The following INPP4B variants were observed in gnomAD, a reference collection of about 807,000 sequenced individuals.
The protein encoded by INPP4B is inositol polyphosphate 4-phosphatase type II.
Under a neutral mutation model 122.5 loss-of-function variants are expected in INPP4B, and 55 were observed. The observed-to-expected ratio is 0.45, with a 90% confidence interval of 0.36 to 0.56. The LOEUF is 0.56. INPP4B is among the 20% of genes least tolerant of loss of function. The pLI is 0.00. For missense variants in INPP4B, 1,000 were observed against 1,097.7 expected (o/e 0.91, Z 1.26); for synonymous variants, 403 against 388.7 (o/e 1.04, Z -0.43).
chr4:142,206,855 A>G (rs1163837946), intron 14 of INPP4B, among the ~76,000 whole-genome samples: 1 of 152,082 alleles, frequency 6.6e-6, no homozygotes, highest in Non-Finnish European at 1.5e-5. Context: ...AGTACACAAT[A>G]TAGTACTGTG....
At chr4:142,197,713 G>T (rs769393208) in intron 14 of INPP4B, among the ~76,000 whole-genome samples, 2 of 152,084 alleles carry the variant, frequency 1.3e-5, no homozygotes, top group African/African-American at 4.8e-5. Context: ...CATTTACTCA[G>T]CGCATACCTG....
chr4:142,096,477 CTGTT>C (rs1179648376), intron 23 of INPP4B, among the ~76,000 whole-genome samples: 1 of 152,102 alleles, frequency 6.6e-6, no homozygotes, highest in Non-Finnish European at 1.5e-5. Context: ...GCTTGTACTG[CTGTT>C]TGTATTTCAT....
At chr4:142,581,997 C>T (rs1735185899) in intron 2 of INPP4B, among the ~76,000 whole-genome samples, 1 of 152,040 alleles carries the variant, frequency 6.6e-6, no homozygotes. Context: ...ATATGTGCTA[C>T]AACTGTGCAT....
chr4:142,578,962 TA>T (rs1272624589), intron 2 of INPP4B, among the ~76,000 whole-genome samples: 2 of 152,132 alleles, frequency 1.3e-5, no homozygotes, highest in East Asian at 3.9e-4. Flanking sequence ...CTCTTGTAAC[TA>T]AAAAGTGAAT....
chr4:142,421,728 A>T (rs1470591364), intron 5 of INPP4B, among the ~76,000 whole-genome samples: 1 of 152,106 alleles, frequency 6.6e-6, no homozygotes, highest in Non-Finnish European at 1.5e-5. Flanking sequence ...CTCCTAAACC[A>T]ACTGAAATCC....
chr4:142,715,979 G>T (rs1763705011), intron 2 of INPP4B, among the ~76,000 whole-genome samples: 1 of 152,134 alleles, frequency 6.6e-6, no homozygotes, highest in Admixed American at 6.6e-5. Context: ...ATTAGGCCTG[G>T]ACTTTCTCAC....
chr4:142,344,077 T>C (rs1007578205), intron 7 of INPP4B, among the ~76,000 whole-genome samples: 3 of 152,106 alleles, frequency 2.0e-5, no homozygotes, highest in Non-Finnish European at 4.4e-5. Flanking sequence ...ATATTGAATG[T>C]GTTTTGGTTA....
intron 2 of INPP4B, among the ~76,000 whole-genome samples, chr4:142,682,973 G>T (rs2150690105): frequency 6.6e-6 from 1 of 151,900 alleles, no homozygotes; most frequent in South Asian, 2.1e-4. Flanking sequence ...TATATGTGCT[G>T]AATGGACAGT....
At chr4:142,205,586 C>A (rs1579282396) in intron 14 of INPP4B, among the ~76,000 whole-genome samples, 1 of 152,072 alleles carries the variant, frequency 6.6e-6, no homozygotes, top group Admixed American at 6.6e-5. Flanking sequence ...TATAATAAAG[C>A]TACCATTATT....
chr4:142,687,878 TC>T (rs1010116931), intron 2 of INPP4B, among the ~76,000 whole-genome samples: 12 of 152,204 alleles, frequency 7.9e-5, no homozygotes, highest in African/African-American at 2.9e-4. Context: ...CTCCGCCTTG[TC>T]CCCCAACAAT....
chr4:142,549,177 A>G (rs1237132377), intron 2 of INPP4B, among the ~76,000 whole-genome samples: 1 of 152,022 alleles, frequency 6.6e-6, no homozygotes, highest in Non-Finnish European at 1.5e-5. Flanking sequence ...ATCATCACCT[A>G]TGCTTTCATT....
intron 2 of INPP4B, among the ~76,000 whole-genome samples, chr4:142,537,429 T>TATATATATATAG (rs1200701380): frequency 1.9e-3 from 49 of 25,478 alleles, no homozygotes; most frequent in Non-Finnish European, 2.9e-3. Context: ...TATATATATA[T>TATATATATATAG]AGAGAGAGAG....
At chr4:142,487,360 A>C (rs1821329199) in intron 2 of INPP4B, among the ~76,000 whole-genome samples, 1 of 152,176 alleles carries the variant, frequency 6.6e-6, no homozygotes, top group Admixed American at 6.5e-5. Context: ...TTACAGAAGC[A>C]TTATAGTAAA....
intron 25 of INPP4B, among the ~76,000 whole-genome samples, chr4:142,031,045 A>T (rs1412331788): frequency 2.0e-5 from 3 of 152,174 alleles, no homozygotes; most frequent in Non-Finnish European, 4.4e-5. Flanking sequence ...TCATTTCTAG[A>T]TTGTTTACTT....
chr4:142,193,255 T>C, intron 14 of INPP4B, 60 bp from the exon 15 acceptor site: 1 of 981,118 alleles, frequency 1.0e-6, no homozygotes, highest in South Asian at 1.4e-5. Flanking sequence ...CGTCATGCTG[T>C]TTGCATTGAA....
intron 25 of INPP4B, among the ~76,000 whole-genome samples, chr4:142,043,211 C>A (rs778244526): frequency 2.6e-5 from 4 of 152,018 alleles, no homozygotes; most frequent in African/African-American, 4.8e-5. Context: ...CATGATGCTA[C>A]AATTTATGTT....
intron 9 of INPP4B, among the ~76,000 whole-genome samples, chr4:142,273,019 C>A (rs540211373): frequency 6.6e-6 from 1 of 151,832 alleles, no homozygotes; most frequent in East Asian, 1.9e-4. Context: ...TGTAATAAAC[C>A]GTATATGTCA....
chr4:142,788,078 C>T (rs902559956), intron 1 of INPP4B, among the ~76,000 whole-genome samples: 1 of 152,010 alleles, frequency 6.6e-6, no homozygotes, highest in African/African-American at 2.4e-5. Context: ...AGACATTATC[C>T]TGTTTACAGT....
chr4:142,338,517 C>G (rs932696682), intron 7 of INPP4B, among the ~76,000 whole-genome samples: 1 of 152,156 alleles, frequency 6.6e-6, no homozygotes, highest in Non-Finnish European at 1.5e-5. Context: ...GGATTACAGG[C>G]GTGAGCCACC....
Sources: allele counts gnomAD v4.1 joint callset (sites outside exome capture counted in the v4.1 genomes callset), GRCh38; gene constraint gnomAD v4.1.1; transcripts MANE v1.5; gene names NCBI Gene and HGNC (gene_info 2026-07-23, HGNC 2026-07-21).